Variants in FGD4 observed in about 807,000 individuals in gnomAD.
The protein encoded by FGD4 is FYVE, RhoGEF and PH domain-containing protein 4.
Under a neutral mutation model 102.0 loss-of-function variants are expected in FGD4, and 42 were observed. The observed-to-expected ratio is 0.41, with a 90% CI of 0.32 to 0.53. The LOEUF (loss-of-function observed/expected upper bound fraction) is 0.53, where lower values mean the gene tolerates loss of function less well. Among genes scored for constraint, FGD4 ranks in the 20% least tolerant of loss-of-function variants. FGD4 has a pLI of 0.21. For missense variants in FGD4, 902 were observed against 1,078.2 expected (o/e 0.84, Z 2.29); for synonymous variants, 380 against 375.7 (o/e 1.01, Z -0.13).
intron 1 of FGD4, among the ~76,000 whole-genome samples, chr12:32,558,233 C>T (rs1187726481): frequency 2.0e-5 from 3 of 152,184 alleles, no homozygotes; most frequent in Non-Finnish European, 4.4e-5. Context: ...ACTAAGGAGA[C>T]AGTGAAAACT....
At chr12:32,574,056 A>G (rs1945919593) in intron 2 of FGD4, among the ~76,000 whole-genome samples, 1 of 152,236 alleles carries the variant, frequency 6.6e-6, no homozygotes, top group African/African-American at 2.4e-5. Context: ...AAATTGTGAT[A>G]AGCAATTTGG....
intron 1 of FGD4, among the ~76,000 whole-genome samples, chr12:32,532,848 C>G (rs74072614): frequency 0.037 from 5,570 of 152,190 alleles, 345 homozygotes; most frequent in African/African-American, 0.13. Context: ...TCTCCATGTA[C>G]TATTACCCTA....
chr12:32,635,368 C>G (rs1036694303), intron 15 of FGD4, among the ~76,000 whole-genome samples: 32 of 152,146 alleles, frequency 2.1e-4, no homozygotes, highest in African/African-American at 7.7e-4. Context: ...AAATCCCTAG[C>G]TAGTATTTTA....
chr12:32,416,905 T>A (rs1941438384), intron 1 of FGD4, among the ~76,000 whole-genome samples: 1 of 151,832 alleles, frequency 6.6e-6, no homozygotes, highest in African/African-American at 2.4e-5. Flanking sequence ...CTTTTTCTTT[T>A]TTTTTTTTTG....
rs544093437 is a variant in FGD4, at chr12:32,527,721, G to A, written c.167-36416G>A. Reference sequence around the variant, plus strand: ...GGGATTAACAGGTGTGAGCCACTGCGCCCAGCCTATCTTAGTATTTTAATG... The same window carrying A: ...GGGATTAACAGGTGTGAGCCACTGCACCCAGCCTATCTTAGTATTTTAATG... On this transcript the variant is annotated intron_variant, in intron 1 of 16. Transcript: ENST00000534526. 7.2e-5 allele frequency among the ~76,000 whole-genome samples: 11 copies of A among 151,914 alleles called. No homozygotes were observed. In the South Asian group the frequency reaches 1.9e-3, roughly 26 times the overall value.
chr12:32,425,874 T>C (rs1731992212), intron 1 of FGD4, among the ~76,000 whole-genome samples: 1 of 151,548 alleles, frequency 6.6e-6, no homozygotes, highest in Admixed American at 6.6e-5. Context: ...CTCTCTGTTA[T>C]TGGTGTATAG....
intron 1 of FGD4, among the ~76,000 whole-genome samples, chr12:32,415,557 G>A (rs1219684193): frequency 6.6e-6 from 1 of 151,568 alleles, no homozygotes; most frequent in Non-Finnish European, 1.5e-5. Flanking sequence ...TGAGTAGCTG[G>A]GACTACAGGC....
At chr12:32,569,484 G>T (rs1167761981) in intron 2 of FGD4, among the ~76,000 whole-genome samples, 1 of 152,030 alleles carries the variant, frequency 6.6e-6, no homozygotes, top group Non-Finnish European at 1.5e-5. Context: ...CATTCCATCT[G>T]CTGGAAAGCC....
At chr12:32,423,465 G>T (rs551822637) in intron 1 of FGD4, among the ~76,000 whole-genome samples, 1 of 151,370 alleles carries the variant, frequency 6.6e-6, no homozygotes, top group South Asian at 2.1e-4. Context: ...GGTGGCAGGC[G>T]CCTGTAATCC....
At chr12:32,566,547 G>T (rs542491550) in intron 2 of FGD4, among the ~76,000 whole-genome samples, 2 of 152,032 alleles carry the variant, frequency 1.3e-5, no homozygotes, top group South Asian at 4.2e-4. Context: ...CTTCCCCTTT[G>T]TTTCTGCTAT....
chr12:32,525,195 A>C (rs981584203), intron 1 of FGD4, among the ~76,000 whole-genome samples: 1 of 152,124 alleles, frequency 6.6e-6, no homozygotes, highest in Admixed American at 6.5e-5. Context: ...TGACCCAACA[A>C]TCAGATTAGA....
At chr12:32,500,457 G>A (rs1014376124) in intron 1 of FGD4, among the ~76,000 whole-genome samples, 4 of 138,294 alleles carry the variant, frequency 2.9e-5, no homozygotes, top group South Asian at 4.5e-4. Context: ...ATTTTGAGAC[G>A]AAGTCTCACT....
At chr12:32,505,144 G>A (rs1168671963) in intron 1 of FGD4, among the ~76,000 whole-genome samples, 1 of 152,148 alleles carries the variant, frequency 6.6e-6, no homozygotes, top group Admixed American at 6.6e-5. Flanking sequence ...TGCTAATGCT[G>A]CTATGTTCAC....
chr12:32,552,717 A>T (rs906846594), intron 1 of FGD4, among the ~76,000 whole-genome samples: 2 of 151,976 alleles, frequency 1.3e-5, no homozygotes, highest in African/African-American at 4.8e-5. Flanking sequence ...TACCTAAGAA[A>T]ACAGCATGCC....
intron 14 of FGD4, 42 bp from the exon 15 acceptor site, chr12:32,633,507 C>A: frequency 6.4e-7 from 1 of 1,568,616 alleles, no homozygotes; most frequent in Non-Finnish European, 8.7e-7. Context: ...TAAATCATAT[C>A]CTTTAAATAT....
In FGD4 at chr12:32,411,528, C is replaced by T. The variant is rs556200466; in HGVS notation, c.166+11569C>T. On this transcript the variant is annotated intron_variant, in intron 1 of 16. Transcript: ENST00000534526. Reference sequence around the variant, plus strand: ...CAGCCTGGGCGACAGAGCAAGACTCCGTCTCACAACAGCAACAACAACAAC... The same window carrying T: ...CAGCCTGGGCGACAGAGCAAGACTCTGTCTCACAACAGCAACAACAACAAC... 5.7e-4 allele frequency among the ~76,000 whole-genome samples: 86 copies of T among 151,946 alleles called. 1 individual carries two copies. In the South Asian group the frequency reaches 6.0e-3, roughly 11 times the overall value.
intron 1 of FGD4, among the ~76,000 whole-genome samples, chr12:32,481,025 C>T (rs953788439): frequency 4.8e-5 from 7 of 147,048 alleles, no homozygotes; most frequent in South Asian, 2.2e-4. Context: ...CTATGTTGCC[C>T]GGGCTGGCCT....
At chr12:32,536,713 T>G (rs571410043) in intron 1 of FGD4, among the ~76,000 whole-genome samples, 1 of 152,190 alleles carries the variant, frequency 6.6e-6, no homozygotes, top group Non-Finnish European at 1.5e-5. Context: ...AGAAGAAAAA[T>G]AGTGTTAATC....
At position 32,608,614 on chromosome 12, in the gene FGD4, AT is replaced by A. The variant is rs1327568125; in HGVS notation, c.1543+525del. On this transcript the variant is annotated intron_variant, in intron 8 of 16. Transcript: ENST00000534526. ...GTATTTCAATTATGTTAGATGTCTT[AT>A]TTTTTCATCAGATTATAATGAAAGG... 8.0e-5 allele frequency among the ~76,000 whole-genome samples: 12 copies of A among 150,714 alleles called. 1 individual carries two copies. Among genetic ancestry groups the A allele is most frequent in the Admixed American group, 6.6e-4 (10 of 15,206 alleles).
Sources: gnomAD v4.1 joint callset for allele counts (sites outside exome capture counted in the v4.1 genomes callset) on GRCh38, gnomAD v4.1.1 for gene constraint, MANE v1.5 for transcripts, NCBI Gene and HGNC (gene_info 2026-07-23, HGNC 2026-07-21) for gene names.